The following SEMA3E variants were observed in gnomAD, a reference collection of about 807,000 sequenced individuals.
SEMA3E encodes the protein semaphorin-3E.
Under a neutral mutation model 93.6 loss-of-function variants are expected in SEMA3E, and 49 were observed. The observed-to-expected ratio is 0.52, with a 90% confidence interval of 0.42 to 0.66. The LOEUF (loss-of-function observed/expected upper bound fraction) is 0.66. SEMA3E is among the 30% of genes least tolerant of loss of function. The pLI is 0.00. For synonymous variants in SEMA3E, 363 were observed against 330.7 expected (o/e 1.10, Z -1.06); for missense variants, 906 against 964.8 (o/e 0.94, Z 0.81).
At chr7:83,565,890 A>T (rs1437603329) in intron 1 of SEMA3E, among the ~76,000 whole-genome samples, 1 of 152,144 alleles carries the variant, frequency 6.6e-6, no homozygotes, top group Non-Finnish European at 1.5e-5. Flanking sequence ...TTTCTTTTAA[A>T]AAGTCCTTTT....
At chr7:83,446,106 C>T (rs757034036) in intron 4 of SEMA3E, among the ~76,000 whole-genome samples, 1 of 152,150 alleles carries the variant, frequency 6.6e-6, no homozygotes, top group Non-Finnish European at 1.5e-5. Context: ...TGAAGCTCAA[C>T]GTGGATATTG....
At chr7:83,541,631 G>A (rs1791533460) in intron 1 of SEMA3E, among the ~76,000 whole-genome samples, 1 of 152,068 alleles carries the variant, frequency 6.6e-6, no homozygotes, top group Admixed American at 6.6e-5. Context: ...GTGTCATTTT[G>A]GCTTAACTTT....
chr7:83,379,425 TGTTA>T (rs1226081509), intron 16 of SEMA3E, among the ~76,000 whole-genome samples: 2 of 152,034 alleles, frequency 1.3e-5, no homozygotes, highest in East Asian at 3.9e-4. Context: ...AGAGAAGTTT[TGTTA>T]GTTCTAAATA....
intron 4 of SEMA3E, among the ~76,000 whole-genome samples, chr7:83,425,660 C>T (rs902634242): frequency 3.9e-5 from 6 of 152,126 alleles, no homozygotes; most frequent in African/African-American, 1.2e-4. Context: ...TAAAATGCTG[C>T]TTTTATAGCC....
intron 10 of SEMA3E, among the ~76,000 whole-genome samples, chr7:83,401,375 G>A (rs1389912251): frequency 6.6e-6 from 1 of 151,950 alleles, no homozygotes; most frequent in Non-Finnish European, 1.5e-5. Flanking sequence ...ATAATGGTGT[G>A]GTTTTTAAAA....
intron 1 of SEMA3E, among the ~76,000 whole-genome samples, chr7:83,555,213 AG>A (rs1207943149): frequency 6.6e-6 from 1 of 152,318 alleles, no homozygotes; most frequent in Non-Finnish European, 1.5e-5. Flanking sequence ...GAGATATAGA[AG>A]TAAATCCATC....
chr7:83,638,438 C>T (rs367824379), intron 1 of SEMA3E, among the ~76,000 whole-genome samples: 125 of 152,116 alleles, frequency 8.2e-4, no homozygotes, highest in Non-Finnish European at 1.3e-3. Context: ...TTTCCATGAT[C>T]GATCCATATT....
chr7:83,601,675 G>A (rs989954152), intron 1 of SEMA3E, among the ~76,000 whole-genome samples: 7 of 151,926 alleles, frequency 4.6e-5, no homozygotes, highest in African/African-American at 1.7e-4. Context: ...CCTTTCTCTC[G>A]TCATGTGTAC....
At chr7:83,456,611 TTTATTTATTTA>T (rs939438759) in intron 4 of SEMA3E, among the ~76,000 whole-genome samples, 4 of 7,438 alleles carry the variant, frequency 5.4e-4, no homozygotes, top group African/African-American at 4.3e-4. Context: ...TATTTATTTA[TTTATTTATTTA>T]TTATTTTTGA....
At chr7:83,511,243 A>G (rs2115648044) in intron 1 of SEMA3E, among the ~76,000 whole-genome samples, 1 of 152,062 alleles carries the variant, frequency 6.6e-6, no homozygotes, top group African/African-American at 2.4e-5. Flanking sequence ...AGTGCTTGCC[A>G]ATGTTACAAA....
intron 7 of SEMA3E, among the ~76,000 whole-genome samples, chr7:83,406,713 A>T (rs2722982): frequency 0.51 from 76,680 of 151,648 alleles, 22,289 homozygotes; most frequent in East Asian, 0.85. Flanking sequence ...TGGCTTTTTT[A>T]AAAATAATTT....
intron 1 of SEMA3E, among the ~76,000 whole-genome samples, chr7:83,591,474 C>T (rs1792756378): frequency 6.6e-6 from 1 of 151,456 alleles, no homozygotes; most frequent in Non-Finnish European, 1.5e-5. Flanking sequence ...ATAGATGATA[C>T]AATATTAACA....
At chr7:83,627,544 A>G (rs1463862938) in intron 1 of SEMA3E, among the ~76,000 whole-genome samples, 2 of 149,026 alleles carry the variant, frequency 1.3e-5, no homozygotes, top group Non-Finnish European at 3.0e-5. Flanking sequence ...TGATCCCTTT[A>G]CCATTATGTA....
At chr7:83,511,897 A>C (rs1417836902) in intron 1 of SEMA3E, among the ~76,000 whole-genome samples, 1 of 152,140 alleles carries the variant, frequency 6.6e-6, no homozygotes, top group Non-Finnish European at 1.5e-5. Context: ...CTGCGTCTCA[A>C]AATAAATAAG....
Position 83,496,283 on chromosome 7 carries a change from AG to A in SEMA3E, c.116-6010del, listed in dbSNP as rs1790490034. Among the ~76,000 whole-genome samples the A allele has an allele frequency of 2.0e-5, 3 of 152,056 alleles. No homozygotes were observed. The South Asian group carries it at 6.2e-4, about 31-fold the overall frequency. ...TTTTAAAAATACCCTAGTAATTAAA[AG>A]TCTAGTCTATTAAGGGATTATAATG... On this transcript the variant is annotated intron_variant, in intron 1 of 16. Coordinates refer to ENST00000643230, the MANE Select transcript of SEMA3E (RefSeq NM_012431.3).
At chr7:83,618,041 A>G (rs1358859689) in intron 1 of SEMA3E, among the ~76,000 whole-genome samples, 1 of 152,104 alleles carries the variant, frequency 6.6e-6, no homozygotes, top group African/African-American at 2.4e-5. Flanking sequence ...CTCATCACCT[A>G]CCTTTTATGG....
At chr7:83,427,943 G>A (rs965215903) in intron 4 of SEMA3E, among the ~76,000 whole-genome samples, 7 of 152,138 alleles carry the variant, frequency 4.6e-5, no homozygotes, top group Admixed American at 4.6e-4. Context: ...AATTTAAAAG[G>A]CATTCCCAGC....
At chr7:83,399,665 T>C (rs1788197715) in intron 11 of SEMA3E, among the ~76,000 whole-genome samples, 4 of 152,214 alleles carry the variant, frequency 2.6e-5, no homozygotes, top group African/African-American at 9.7e-5. Context: ...TTTCTTTACT[T>C]ATTCATTTAT....
chr7:83,567,249 C>T (rs183247319), intron 1 of SEMA3E, among the ~76,000 whole-genome samples: 1 of 152,142 alleles, frequency 6.6e-6, no homozygotes, highest in Admixed American at 6.5e-5. Flanking sequence ...CGGTAGAACA[C>T]CTAGATATAT....
Sources: gnomAD v4.1 joint callset for allele counts (sites outside exome capture counted in the v4.1 genomes callset) on GRCh38, gnomAD v4.1.1 for gene constraint, MANE v1.5 for transcripts, NCBI Gene and HGNC (gene_info 2026-07-23, HGNC 2026-07-21) for gene names.